Variants in CMA1 observed in about 807,000 individuals in gnomAD.
CMA1 encodes the protein chymase 1, also known as chymase.
Under a neutral mutation model 18.8 loss-of-function variants are expected in CMA1, and 24 were observed. The observed-to-expected ratio is 1.28, with a 90% CI of 0.92 to 1.80. The LOEUF (loss-of-function observed/expected upper bound fraction) is 1.80. Ranked by LOEUF, CMA1 falls within the 40% of genes most tolerant of loss-of-function variation. The pLI, the probability that CMA1 is intolerant of heterozygous loss-of-function variation, is 0.00. For missense variants in CMA1, 421 were observed against 302.8 expected, an observed-to-expected ratio of 1.39 and a Z score of -2.90; for synonymous variants, 152 against 117.0, an observed-to-expected ratio of 1.30 and a Z score of -1.93.
At chr14:24,506,796 A>G (rs1321055110) in intron 2 of CMA1, among the ~76,000 whole-genome samples, 192 bp from the exon 3 acceptor site, 1 of 152,194 alleles carries the variant, frequency 6.6e-6, no homozygotes, top group Non-Finnish European at 1.5e-5. Context: ...TTCTCAGGAA[A>G]CAGACACAAT....
chr14:24,505,886 C>T (rs1361840348), intron 4 of CMA1, 142 bp downstream of exon 4: 2 of 1,207,926 alleles, frequency 1.7e-6, no homozygotes, highest in Non-Finnish European at 2.3e-6. Flanking sequence ...TGGTCAGAGG[C>T]TGTCTTGGAC....
At chr14:24,508,008 GT>G (rs1454852243) in intron 1 of CMA1, 169 bp downstream of exon 1, 93 of 625,162 alleles carry the variant, frequency 1.5e-4, no homozygotes, top group Non-Finnish European at 2.2e-4. Flanking sequence ...GAGAATGGCA[GT>G]GGGTGGGGGT....
chr14:24,506,360 A>T, intron 3 of CMA1, 78 bp from the exon 4 acceptor site: 2 of 1,591,264 alleles, frequency 1.3e-6, no homozygotes, highest in Non-Finnish European at 1.7e-6. Context: ...GGACAGGGTG[A>T]GTAGCTTCAT....
At chr14:24,507,194 A>G (rs2043864548) in intron 2 of CMA1, among the ~76,000 whole-genome samples, 162 bp downstream of exon 2, 1 of 152,148 alleles carries the variant, frequency 6.6e-6, no homozygotes, top group Non-Finnish European at 1.5e-5. Flanking sequence ...GGCTCAAGGA[A>G]CTATTCAAAC....
chr14:24,506,714 G>T, intron 2 of CMA1, 110 bp from the exon 3 acceptor site: 2 of 1,342,066 alleles, frequency 1.5e-6, no homozygotes, highest in Non-Finnish European at 2.0e-6. Flanking sequence ...TGGGTCGCCG[G>T]ACTCTACCCA....
rs1351643501 is a variant in CMA1, at chr14:24,507,438, T to G, written c.127A>C (p.Thr43Pro). The G allele has an allele frequency of 1.9e-6, 3 of 1,614,170 alleles. No individual in the cohort carries two copies. In the Admixed American group the frequency reaches 5.0e-5, roughly 27 times the overall value. Residue 43 changes from threonine to proline, a missense_variant, in exon 2 of 5, where the codon ACT becomes CCT. By Grantham distance (38) the Thr-to-Pro change is conservative (BLOSUM62 -1). Coordinates refer to ENST00000250378, the MANE Select transcript of CMA1 (RefSeq NM_001836.5). ...RPYMAYLEIV[T>P]SNGPSKFCGG... The stretch of plus-strand genomic sequence containing the variant: ...CAAAATTTTGAGGGACCGTTGGAAG[T>G]TACAATTTCCAGGTAGGCCATGTAG...
At chr14:24,505,739 T>C in intron 4 of CMA1, 80 bp from the exon 5 acceptor site, 3 of 1,517,774 alleles carry the variant, frequency 2.0e-6, no homozygotes, top group Non-Finnish European at 2.7e-6. Flanking sequence ...GGAGTCACAG[T>C]GAGACCTAAA....
intron 4 of CMA1, 108 bp downstream of exon 4, chr14:24,505,920 G>C: frequency 2.1e-6 from 3 of 1,441,170 alleles, no homozygotes; most frequent in Non-Finnish European, 2.8e-6. Flanking sequence ...CAATTCCTGT[G>C]ATGCTCACCC....
intron 4 of CMA1, 84 bp from the exon 5 acceptor site, chr14:24,505,743 A>T: frequency 6.7e-7 from 1 of 1,503,552 alleles, no homozygotes; most frequent in Non-Finnish European, 8.9e-7. Context: ...TCACAGTGAG[A>T]CCTAAAGTCA....
chr14:24,507,518 C>A lies in CMA1; in HGVS notation c.59-12G>T, dbSNP rs761645413. 2.5e-6 allele frequency: 4 copies of A among 1,610,064 alleles called. No individual in the cohort carries two copies. The highest frequency in any genetic ancestry group is 3.4e-6 in the Non-Finnish European group (4 of 1,178,032). ...CCCGATGATCTCCCCTGGAACAGAG[C>A]ACCCCAGGGTTTGAACACGGCCATA... On this transcript the variant is annotated splice_polypyrimidine_tract_variant and intron_variant, in intron 1 of 4. Transcript: ENST00000250378.
In CMA1 at chr14:24,506,487, G is replaced by A. The variant is rs561625836; in HGVS notation, c.327C>T (p.His109=). 6.2e-6 allele frequency: 10 copies of A among 1,614,036 alleles called. No homozygotes were observed. The highest frequency in any genetic ancestry group is 1.6e-4 in the Middle Eastern group (1 of 6,084). ...HPKYNTSTLH[H]DIMLLKLKEK... is the part of the protein sequence containing the mutation. Reference sequence around the variant, plus strand: ...TTGTCACCTTTAGTAACATGATATCGTGGTGAAGAGTAGAAGTGTTATATT... The same window carrying A: ...TTGTCACCTTTAGTAACATGATATCATGGTGAAGAGTAGAAGTGTTATATT... Residue 109 remains histidine, a synonymous_variant, in exon 3 of 5, where the codon CAC becomes CAT. Transcript: ENST00000250378.
chr14:24,505,511 C>G lies in CMA1; in HGVS notation c.*5G>C. 1.2e-6 allele frequency: 2 copies of G among 1,613,958 alleles called. No individual in the cohort carries two copies. The highest frequency in any genetic ancestry group is 1.7e-6 in the Non-Finnish European group (2 of 1,179,994). ...TTCCCTTTCAGGCTGGCTCAGGATCCAGGATTAATTTGCCTGCAGGATCTG... is the reference window on the plus strand; with the variant it reads ...TTCCCTTTCAGGCTGGCTCAGGATCGAGGATTAATTTGCCTGCAGGATCTG... On this transcript the variant is annotated 3_prime_UTR_variant, in exon 5 of 5. Transcript: ENST00000250378.
chr14:24,507,226 C>CA, intron 2 of CMA1, 130 bp downstream of exon 2: 1 of 1,075,164 alleles, frequency 9.3e-7, no homozygotes, highest in Non-Finnish European at 1.4e-6. Flanking sequence ...TCTTTCAGCC[C>CA]AAGTCTTCCC....
In CMA1 at chr14:24,506,563, T is replaced by A. The variant is rs1424798180; in HGVS notation, c.251A>T (p.Glu84Val). The change falls in exon 3 of 5, where the codon GAA (glutamate) becomes GTA (valine). Residue 84 changes from glutamate (E) to valine (V), a missense_variant. Coordinates refer to ENST00000250378, the MANE Select transcript of CMA1 (RefSeq NM_001836.5). ...VTLGAHNITE[E>V]EDTWQKLEVI... ...CTCAAGCTTCTGCCATGTGTCTTCT[T>A]CCTCTGTTATGTTATGGGCTCCAAG... 1 of 1,614,152 alleles carries A rather than the reference T, an allele frequency of 6.2e-7. No homozygotes were observed. The highest frequency in any genetic ancestry group is 1.7e-5 in the Admixed American group (1 of 60,026).
intron 4 of CMA1, 95 bp from the exon 5 acceptor site, chr14:24,505,754 G>C (rs769649841): frequency 6.8e-7 from 1 of 1,467,310 alleles, no homozygotes; most frequent in Non-Finnish European, 9.2e-7. Flanking sequence ...CCTAAAGTCA[G>C]ACGCAGGAGG....
At chr14:24,507,893 G>T (rs185103066) in intron 1 of CMA1, among the ~76,000 whole-genome samples, 5 of 152,284 alleles carry the variant, frequency 3.3e-5, no homozygotes, top group Admixed American at 2.6e-4. Context: ...AAGATTAAGA[G>T]GACATGTCTG....
At chr14:24,507,079 C>G (rs1006992161) in intron 2 of CMA1, among the ~76,000 whole-genome samples, 19 of 152,134 alleles carry the variant, frequency 1.2e-4, no homozygotes, top group African/African-American at 4.6e-4. Flanking sequence ...AAAAGTGAGC[C>G]GTGTGTCTTG....
chr14:24,507,533 A>G, intron 1 of CMA1, 27 bp from the exon 2 acceptor site: 4 of 1,601,222 alleles, frequency 2.5e-6, no homozygotes, highest in Non-Finnish European at 2.6e-6. Flanking sequence ...CAGGGTTTGA[A>G]CACGGCCATA....
intron 2 of CMA1, among the ~76,000 whole-genome samples, 194 bp downstream of exon 2, chr14:24,507,162 G>A (rs960418023): frequency 6.6e-6 from 1 of 152,148 alleles, no homozygotes; most frequent in Non-Finnish European, 1.5e-5. Context: ...CTCCGAAGGG[G>A]AGCTTAGCTC....
Sources: gnomAD v4.1 joint callset for allele counts (sites outside exome capture counted in the v4.1 genomes callset) on GRCh38, gnomAD v4.1.1 for gene constraint, MANE v1.5 for transcripts, NCBI Gene and HGNC (gene_info 2026-07-23, HGNC 2026-07-21) for gene names.